The following AGR3 variants were observed in gnomAD, a reference collection of about 807,000 sequenced individuals.
AGR3 encodes anterior gradient protein 3.
AGR3 carries 37 observed loss-of-function variants against 24.5 expected under a neutral mutation model. The observed-to-expected ratio is 1.51, with a 90% CI of 1.16 to 1.99. The LOEUF (loss-of-function observed/expected upper bound fraction) is 1.99, where lower values mean the gene tolerates loss of function less well. Among genes scored for constraint, AGR3 ranks in the 30% most tolerant of loss-of-function variants. The probability of loss-of-function intolerance (pLI) is 0.00; values close to 1 mark genes in which losing one functional copy is unlikely to be tolerated. For missense variants in AGR3, 228 were observed against 191.1 expected (o/e 1.19, Z -1.14); for synonymous variants, 75 against 61.6 (o/e 1.22, Z -1.02).
At chr7:16,861,909 A>G (rs897905509) in intron 5 of AGR3, 75 bp downstream of exon 5, 3 of 1,358,548 alleles carry the variant, frequency 2.2e-6, no homozygotes, top group African/African-American at 3.0e-5. Flanking sequence ...TAAAAAAAAA[A>G]AAAAAAAAGA....
chr7:16,860,709 G>A, intron 6 of AGR3, 126 bp from the exon 7 acceptor site: 1 of 642,144 alleles, frequency 1.6e-6, no homozygotes, highest in Non-Finnish European at 2.7e-6. Context: ...CAGATATATT[G>A]TGTGATGCTG....
intron 2 of AGR3, among the ~76,000 whole-genome samples, chr7:16,877,888 T>C (rs926873815): frequency 1.3e-5 from 2 of 151,722 alleles, no homozygotes; most frequent in Admixed American, 1.3e-4. Context: ...GAGAGAATTT[T>C]TTTTAATAAA....
rs751233532 is a variant in AGR3 at position 16,861,346 on chromosome 7, A to G, written c.367+38T>C. On this transcript the variant is annotated intron_variant, in intron 6 of 7. Coordinates refer to ENST00000310398, the MANE Select transcript of AGR3 (RefSeq NM_176813.5). ...AAAAGCAAGAATGCTGATTTCTACT[A>G]ATTTTGTAGATCTGATGAAATGAGA... 1.2e-5 allele frequency: 18 copies of G among 1,461,026 alleles called. No homozygotes were observed. In the East Asian group the frequency reaches 4.1e-4, roughly 33 times the overall value. 90.5% of individuals were successfully genotyped at this position (1,461,026 alleles called of 1,614,324 possible).
downstream of AGR3, among the ~76,000 whole-genome samples, chr7:16,857,319 A>G (rs1781566550): frequency 6.6e-6 from 1 of 152,234 alleles, no homozygotes; most frequent in Non-Finnish European, 1.5e-5. Context: ...AAATATATGC[A>G]TATTAAAATA....
chr7:16,861,727 C>T (rs1359589253), intron 5 of AGR3, among the ~76,000 whole-genome samples: 1 of 151,548 alleles, frequency 6.6e-6, no homozygotes, highest in Non-Finnish European at 1.5e-5. Flanking sequence ...AAGGTGAAAC[C>T]CTGTCTCTAC....
chr7:16,862,748 T>G (rs774688319), intron 3 of AGR3, 86 bp from the exon 4 acceptor site: 58 of 865,998 alleles, frequency 6.7e-5, no homozygotes, highest in Admixed American at 1.6e-4. Context: ...TTTTATTAGC[T>G]TCAATAAGGC....
rs75569174 is a variant in AGR3, at chr7:16,861,166, T to C, written c.367+218A>G. Among the ~76,000 whole-genome samples, 486 of 152,356 alleles carry C rather than the reference T, an allele frequency of 3.2e-3. 18 individuals are homozygous for C. In the East Asian group the frequency reaches 0.08, roughly 25 times the overall value. The stretch of plus-strand genomic sequence containing the variant: ...ACTGTGTTGAAAGTACATTGGGATA[T>C]AGATTTAATAGCATACATGCTTTGA... On this transcript the variant is annotated intron_variant, in intron 6 of 7. Transcript: ENST00000310398.
downstream of AGR3, among the ~76,000 whole-genome samples, chr7:16,856,704 G>C (rs1583831589): frequency 6.6e-6 from 1 of 152,060 alleles, no homozygotes; most frequent in African/African-American, 2.4e-5. Flanking sequence ...TCAGGTAGTT[G>C]ATGTTGGTAA....
chr7:16,881,190 A>G (rs1053125525), intron 1 of AGR3, among the ~76,000 whole-genome samples: 2 of 152,258 alleles, frequency 1.3e-5, no homozygotes, highest in Admixed American at 1.3e-4. Flanking sequence ...GCTATTTTAA[A>G]GCTGCGAAGC....
At chr7:16,880,035 G>A (rs28545678) in intron 1 of AGR3, among the ~76,000 whole-genome samples, 5,064 of 135,910 alleles carry the variant, frequency 0.037, 288 homozygotes, top group African/African-American at 0.14. Context: ...CTAATCCCCA[G>A]TTGTCCCTCC....
intron 3 of AGR3, chr7:16,864,343 C>A (rs1781707762): frequency 7.4e-7 from 1 of 1,356,708 alleles, no homozygotes; most frequent in African/African-American, 1.4e-5. Flanking sequence ...CTGAGGCTGG[C>A]TGGCAGGCAG....
intron 1 of AGR3, among the ~76,000 whole-genome samples, chr7:16,879,601 C>G (rs1782063681): frequency 6.6e-6 from 1 of 152,142 alleles, no homozygotes; most frequent in African/African-American, 2.4e-5. Flanking sequence ...TTTGAAGTTC[C>G]TTTAAGACGT....
intron 1 of AGR3, among the ~76,000 whole-genome samples, 173 bp downstream of exon 1, chr7:16,881,771 A>G (rs1782122088): frequency 6.6e-6 from 1 of 152,224 alleles, no homozygotes; most frequent in Admixed American, 6.5e-5. Flanking sequence ...AAATAGAGAT[A>G]AAACTATGAA....
downstream of AGR3, chr7:16,859,348 A>G (rs951237072): frequency 1.2e-5 from 5 of 427,560 alleles, no homozygotes; most frequent in Admixed American, 8.1e-5. Flanking sequence ...TCTTGTCTCC[A>G]CTATAACTCT....
At position 16,861,995 on chromosome 7, in the gene AGR3, G is replaced by A. The variant is rs928106972; in HGVS notation, c.292C>T (p.Leu98=). Residue 98 remains leucine (L), a synonymous_variant, in exon 5 of 8, where the codon CTA becomes TTA. Transcript: ENST00000310398. ...QEMAQNKFIM[L]NLMHETTDKN... The stretch of plus-strand genomic sequence containing the variant: ...CAAAGTTTATGTACCATAAGGTTTA[G>A]CATGATGAACTTATTCTGAGCCATT... The A allele has an allele frequency of 1.2e-6, 2 of 1,611,060 alleles. No homozygotes were observed. Among genetic ancestry groups the A allele is most frequent in the Admixed American group, 3.3e-5 (2 of 59,952 alleles).
At chr7:16,866,620 G>GT (rs1562547351) in intron 3 of AGR3, among the ~76,000 whole-genome samples, 1 of 151,710 alleles carries the variant, frequency 6.6e-6, no homozygotes, top group Non-Finnish European at 1.5e-5. Context: ...ACTAAAGCTG[G>GT]TTATTAGTTT....
At chr7:16,856,838 TACACAC>T (rs111311358), downstream of AGR3, among the ~76,000 whole-genome samples, 5 of 149,742 alleles carry the variant, frequency 3.3e-5, no homozygotes, top group Non-Finnish European at 5.9e-5. Context: ...CCTATATGTA[TACACAC>T]ACACACACAC....
downstream of AGR3, among the ~76,000 whole-genome samples, chr7:16,856,295 A>G (rs930523860): frequency 1.3e-5 from 2 of 152,198 alleles, no homozygotes; most frequent in African/African-American, 4.8e-5. Context: ...AGAAATTGAG[A>G]GCTTGATCTG....
At chr7:16,855,535 CA>C (rs1432927179), downstream of AGR3, among the ~76,000 whole-genome samples, 1 of 152,158 alleles carries the variant, frequency 6.6e-6, no homozygotes, top group Non-Finnish European at 1.5e-5. Context: ...TCCTAACACT[CA>C]CACAACTTAT....
Sources: allele counts gnomAD v4.1 joint callset (sites outside exome capture counted in the v4.1 genomes callset), GRCh38; gene constraint gnomAD v4.1.1; transcripts MANE v1.5; gene names NCBI Gene and HGNC (gene_info 2026-07-23, HGNC 2026-07-21).